Variants in EYA1 observed in about 807,000 individuals in gnomAD.
The protein encoded by EYA1 is protein phosphatase EYA1.
In EYA1, 16 loss-of-function variants were observed where a neutral mutation model predicts 82.0. That is an observed-to-expected ratio of 0.20 (90% confidence interval 0.13 to 0.30). The LOEUF (loss-of-function observed/expected upper bound fraction) is 0.30, where lower values mean the gene tolerates loss of function less well. Ranked by LOEUF, EYA1 falls within the 10% of genes least tolerant of loss-of-function variation. The pLI is 1.00. For synonymous variants in EYA1, 261 were observed against 264.4 expected (o/e 0.99, Z 0.12); for missense variants, 633 against 730.7 (o/e 0.87, Z 1.54).
chr8:71,477,859 C>T (rs1314993629), intron 2 of EYA1, among the ~76,000 whole-genome samples: 2 of 152,042 alleles, frequency 1.3e-5, no homozygotes, highest in Non-Finnish European at 2.9e-5. Flanking sequence ...AAAAATAAAA[C>T]GTGGTACATT....
rs1816298671 is a variant in EYA1, at chr8:71,269,822, C to T, written c.968G>A (p.Arg323Lys). The change falls in exon 11 of 18, where the codon AGA becomes AAA. Residue 323 changes from arginine to lysine, a missense_variant and splice_region_variant. Arg to Lys is a conservative substitution (Grantham distance 26, BLOSUM62 2). Coordinates refer to ENST00000340726, the MANE Select transcript of EYA1 (RefSeq NM_000503.6). ...PSPPPDSDLE[R>K]VFIWDLDETI... is the part of the protein sequence containing the mutation. ...CTCATCCAAGTCCCAGATGAACACT[C>T]TCTACAAAGGAAGAACCAAATCAAT... 1 of 1,613,016 alleles carries T rather than the reference C, an allele frequency of 6.2e-7. No homozygotes were observed. The highest frequency in any genetic ancestry group is 8.5e-7 in the Non-Finnish European group (1 of 1,179,102).
chr8:71,272,921 A>G (rs2128953962), intron 9 of EYA1, among the ~76,000 whole-genome samples: 1 of 152,314 alleles, frequency 6.6e-6, no homozygotes, highest in East Asian at 1.9e-4. Context: ...CACTAAACAG[A>G]AAACCACTGT....
At chr8:71,452,935 T>C (rs1807516461) in intron 2 of EYA1, among the ~76,000 whole-genome samples, 1 of 152,116 alleles carries the variant, frequency 6.6e-6, no homozygotes, top group African/African-American at 2.4e-5. Context: ...CTTTGACAAG[T>C]TGAGAGAAGA....
chr8:71,509,185 C>T (rs555543526), intron 2 of EYA1, among the ~76,000 whole-genome samples: 4 of 152,110 alleles, frequency 2.6e-5, no homozygotes, highest in South Asian at 2.1e-4. Flanking sequence ...GCCAAGATCA[C>T]GACACTGCAC....
At chr8:71,451,224 G>A (rs746170366) in intron 2 of EYA1, among the ~76,000 whole-genome samples, 11 of 151,966 alleles carry the variant, frequency 7.2e-5, no homozygotes, top group Non-Finnish European at 1.3e-4. Context: ...CCACACTTCT[G>A]GAATAATTCC....
intron 12 of EYA1, among the ~76,000 whole-genome samples, chr8:71,239,959 G>A (rs893640331): frequency 6.6e-6 from 1 of 152,086 alleles, no homozygotes; most frequent in Admixed American, 6.5e-5. Context: ...TGAAATCGAA[G>A]TTTCTTAACA....
chr8:71,344,540 G>A (rs1479460850), intron 3 of EYA1, among the ~76,000 whole-genome samples: 1 of 152,154 alleles, frequency 6.6e-6, no homozygotes, highest in Admixed American at 6.5e-5. Flanking sequence ...AGCTTCAAAT[G>A]CTAAATACAT....
At chr8:71,257,415 T>C (rs1238797482) in intron 11 of EYA1, among the ~76,000 whole-genome samples, 1 of 152,240 alleles carries the variant, frequency 6.6e-6, no homozygotes, top group Admixed American at 6.5e-5. Context: ...TTGGCTGTTT[T>C]TGGTGGTGAA....
chr8:71,437,656 A>G (rs917042823), intron 2 of EYA1, among the ~76,000 whole-genome samples: 3 of 152,218 alleles, frequency 2.0e-5, no homozygotes, highest in African/African-American at 7.2e-5. Flanking sequence ...AACAAATTAA[A>G]CTATTCCAGT....
chr8:71,245,626 G>C (rs1812996130), intron 11 of EYA1, among the ~76,000 whole-genome samples: 1 of 151,988 alleles, frequency 6.6e-6, no homozygotes, highest in African/African-American at 2.4e-5. Context: ...GTGTGGCCCA[G>C]GGAAGTCAAA....
chr8:71,302,005 C>A (rs1820253355), intron 7 of EYA1, among the ~76,000 whole-genome samples: 1 of 151,736 alleles, frequency 6.6e-6, no homozygotes, highest in Admixed American at 6.6e-5. Flanking sequence ...ATATATAAAG[C>A]AAACTTATAC....
chr8:71,239,947 C>T (rs941296938), intron 12 of EYA1, among the ~76,000 whole-genome samples: 15 of 152,158 alleles, frequency 9.9e-5, no homozygotes, highest in African/African-American at 3.1e-4. Flanking sequence ...AAGTGCTTTA[C>T]TTGAAATCGA....
At chr8:71,322,651 A>C (rs1249235917) in intron 4 of EYA1, among the ~76,000 whole-genome samples, 1 of 152,138 alleles carries the variant, frequency 6.6e-6, no homozygotes, top group Non-Finnish European at 1.5e-5. Flanking sequence ...ATTGGGTGAG[A>C]ATGTGAAAGG....
At chr8:71,322,972 A>G (rs897735775) in intron 4 of EYA1, among the ~76,000 whole-genome samples, 1 of 152,140 alleles carries the variant, frequency 6.6e-6, no homozygotes, top group Non-Finnish European at 1.5e-5. Context: ...TTAAGCATTC[A>G]AGCAGAACTT....
chr8:71,475,640 T>C (rs1466970842), intron 2 of EYA1, among the ~76,000 whole-genome samples: 3 of 152,192 alleles, frequency 2.0e-5, no homozygotes, highest in African/African-American at 7.2e-5. Context: ...AAACACACGA[T>C]AGACCAAGGA....
Position 71,199,163 on chromosome 8 carries a change from A to T in EYA1, c.*177T>A. 1 of 668,648 alleles carries T rather than the reference A, an allele frequency of 1.5e-6. No individual in the cohort carries two copies. Among genetic ancestry groups the T allele is most frequent in the South Asian group, 1.6e-5 (1 of 61,478 alleles). The allele number at this position is 668,648 out of a possible 1,614,324, so 41.4% of individuals were successfully genotyped here. A position where few individuals can be genotyped will look rare whatever the true frequency, so the allele number is the denominator to read the frequency against. On this transcript the variant is annotated 3_prime_UTR_variant, in exon 18 of 18. Transcript: ENST00000340726. Reference sequence around the variant, plus strand: ...AGTACTAGAGTCAACAGCTGTTCTGATGAAATAGACGTGGTCCTCCATTCA... The same window carrying T: ...AGTACTAGAGTCAACAGCTGTTCTGTTGAAATAGACGTGGTCCTCCATTCA...
chr8:71,383,362 G>A (rs1670136796), intron 2 of EYA1, among the ~76,000 whole-genome samples: 1 of 152,052 alleles, frequency 6.6e-6, no homozygotes, highest in Admixed American at 6.6e-5. Flanking sequence ...ACACATGAGT[G>A]CAAAGGAAAA....
intron 12 of EYA1, among the ~76,000 whole-genome samples, chr8:71,238,799 T>C (rs6990946): frequency 0.1 from 15,296 of 152,066 alleles, 2,135 homozygotes; most frequent in African/African-American, 0.31. Flanking sequence ...TGTCTTATTG[T>C]ACTGTCCAAA....
At chr8:71,225,229 T>G (rs1810414723) in intron 12 of EYA1, 1 of 456,286 alleles carries the variant, frequency 2.2e-6, no homozygotes, top group Non-Finnish European at 4.4e-6. Flanking sequence ...ATAGACCTCA[T>G]GAAGAGCTCA....
Sources: gnomAD v4.1 joint callset for allele counts (sites outside exome capture counted in the v4.1 genomes callset) on GRCh38, gnomAD v4.1.1 for gene constraint, MANE v1.5 for transcripts, NCBI Gene and HGNC (gene_info 2026-07-23, HGNC 2026-07-21) for gene names.